MON2: variants seen among roughly 807,000 people sequenced by gnomAD.
MON2 encodes the protein MON2 regulator of endosome-to-Golgi trafficking.
MON2 carries 84 observed loss-of-function variants against 208.6 expected under a neutral mutation model. The observed-to-expected ratio is 0.40, with a 90% CI of 0.34 to 0.48. The LOEUF (loss-of-function observed/expected upper bound fraction) is 0.48. Among genes scored for constraint, MON2 ranks in the 20% least tolerant of loss-of-function variants. MON2 has a pLI of 0.59. For missense variants in MON2, 1,611 were observed against 2,015.4 expected (o/e 0.80, Z 3.84); for synonymous variants, 660 against 694.0 (o/e 0.95, Z 0.77).
In MON2 at chr12:62,484,250, A is replaced by C. The variant is rs2069624224; in HGVS notation, c.175+17A>C. 7.2e-6 allele frequency: 11 copies of C among 1,533,878 alleles called. No homozygotes were observed. The highest frequency in any genetic ancestry group is 9.8e-6 in the Non-Finnish European group (11 of 1,124,102). On this transcript the variant is annotated intron_variant, in intron 2 of 34. Transcript: ENST00000393630. ...TTTTGGCAGGTAATTTTTTGTATTA[A>C]AAATTTAATAATAAACAAAAATTTG...
intron 19 of MON2, among the ~76,000 whole-genome samples, chr12:62,541,793 G>A (rs1207519973): frequency 2.0e-5 from 3 of 152,174 alleles, no homozygotes; most frequent in African/African-American, 7.2e-5. Context: ...ATCTTCAGGT[G>A]TGAGCTTTGG....
rs563691888 is a variant in MON2, at chr12:62,572,978, T to TA, written c.4514+1404dup. On this transcript the variant is annotated intron_variant, in intron 30 of 34. Coordinates refer to ENST00000393630, the MANE Select transcript of MON2 (RefSeq NM_015026.3). ...ATTCTAATATGGTTTAGTTATTCAG[T>TA]AAAAAAAATTTCTAGGGTGCAGAAG... Among the ~76,000 whole-genome samples the TA allele has an allele frequency of 2.3e-4, 35 of 152,184 alleles. No individual in the cohort carries two copies. In the South Asian group the frequency reaches 6.0e-3, roughly 26 times the overall value.
At chr12:62,590,502 A>C (rs961784317) in intron 34 of MON2, among the ~76,000 whole-genome samples, 6 of 152,212 alleles carry the variant, frequency 3.9e-5, no homozygotes, top group Non-Finnish European at 8.8e-5. Context: ...TACAGGGGAA[A>C]GTTTTAATAT....
chr12:62,584,243 T>C (rs1219139163), intron 32 of MON2, among the ~76,000 whole-genome samples: 3 of 152,214 alleles, frequency 2.0e-5, no homozygotes, highest in African/African-American at 7.2e-5. Flanking sequence ...TTTACATTTC[T>C]AACAAGTTCT....
At chr12:62,545,369 A>T (rs2073436209) in intron 21 of MON2, among the ~76,000 whole-genome samples, 1 of 151,948 alleles carries the variant, frequency 6.6e-6, no homozygotes, top group African/African-American at 2.4e-5. Context: ...CATGGGGAGA[A>T]AATAAGTGGC....
intron 2 of MON2, among the ~76,000 whole-genome samples, chr12:62,487,369 T>G (rs763030826): frequency 6.6e-6 from 1 of 152,142 alleles, no homozygotes; most frequent in Non-Finnish European, 1.5e-5. Flanking sequence ...TTTGCATAAA[T>G]TTTTGTAACA....
chr12:62,536,352 G>A (rs989037380), intron 14 of MON2, among the ~76,000 whole-genome samples: 8 of 152,044 alleles, frequency 5.3e-5, no homozygotes, highest in African/African-American at 1.9e-4. Context: ...ATAAATTTCA[G>A]TGTAATATTT....
chr12:62,560,842 G>A lies in MON2; in HGVS notation c.3761G>A (p.Ser1254Asn). Residue 1254 changes from serine to asparagine, a missense_variant, in exon 26 of 35, where the codon AGT becomes AAT. Ser to Asn is a conservative substitution (Grantham distance 46). Coordinates refer to ENST00000393630, the MANE Select transcript of MON2 (RefSeq NM_015026.3). ...WNTWYRIGSE[S>N]TKPPITFDKL... ...ACCTGGTATAGAATTGGATCTGAAA[G>A]TACTAAGCCTCCTATTACTTTTGAT... 6.2e-7 allele frequency: 1 copy of A among 1,614,090 alleles called. No individual in the cohort carries two copies. The highest frequency in any genetic ancestry group is 8.5e-7 in the Non-Finnish European group (1 of 1,179,978).
chr12:62,478,544 C>G (rs1237994894), intron 1 of MON2, among the ~76,000 whole-genome samples: 1 of 152,120 alleles, frequency 6.6e-6, no homozygotes, highest in South Asian at 2.1e-4. Flanking sequence ...CATTATTTGT[C>G]ACATTAAATT....
chr12:62,524,646 C>A lies in MON2; in HGVS notation c.1109+7C>A. On this transcript the variant is annotated splice_region_variant and intron_variant, in intron 9 of 34. Transcript: ENST00000393630. Reference sequence around the variant, plus strand: ...TGCAGCCTCAACTATTAAGGTAAAACCTCAGCAATAGTTTGTTAAATAGAT... The same window carrying A: ...TGCAGCCTCAACTATTAAGGTAAAAACTCAGCAATAGTTTGTTAAATAGAT... 3 of 1,611,106 alleles carry A rather than the reference C, an allele frequency of 1.9e-6. No individual in the cohort carries two copies. The highest frequency in any genetic ancestry group is 1.3e-5 in the African/African-American group (1 of 74,926).
At chr12:62,469,854 CTT>C in intron 1 of MON2, among the ~76,000 whole-genome samples, 1 of 151,162 alleles carries the variant, frequency 6.6e-6, no homozygotes, top group African/African-American at 2.4e-5. Flanking sequence ...TCATTTCTGT[CTT>C]TTATGGCCAT....
At chr12:62,504,251 T>C (rs1019714513) in intron 7 of MON2, among the ~76,000 whole-genome samples, 5 of 148,752 alleles carry the variant, frequency 3.4e-5, no homozygotes, top group East Asian at 1.9e-4. Flanking sequence ...TTTTCTTTTT[T>C]TTTTTTTTTT....
rs761125884 is a variant in MON2, at chr12:62,538,479, A to G, written c.2338A>G (p.Met780Val). 6 of 1,607,054 alleles carry G rather than the reference A, an allele frequency of 3.7e-6. No individual in the cohort carries two copies. In the South Asian group the frequency reaches 6.6e-5, roughly 18 times the overall value. The change falls in exon 19 of 35, where the codon ATG becomes GTG. Residue 780 changes from methionine to valine, a missense_variant. Physicochemically the swap from Met to Val is conservative, Grantham distance 21 (BLOSUM62 1). Coordinates refer to ENST00000393630, the MANE Select transcript of MON2 (RefSeq NM_015026.3). ...ACTTTGCTCCTTGTCTCTAGAAGCA[A>G]TGGATATGGCCTATGGAAATAATAA... ...NALCSLSLEA[M>V]DMAYGNNKEP...
chr12:62,557,762 G>A (rs770248932), intron 25 of MON2, among the ~76,000 whole-genome samples: 21 of 150,940 alleles, frequency 1.4e-4, no homozygotes, highest in Non-Finnish European at 2.4e-4. Flanking sequence ...CATTTAGCAT[G>A]TTAGGGCTTG....
At chr12:62,508,811 G>A in intron 8 of MON2, 1 of 220,094 alleles carries the variant, frequency 4.5e-6, no homozygotes, top group South Asian at 9.0e-5. Flanking sequence ...AGTTTATTCT[G>A]CTTTCATTTA....
intron 2 of MON2, among the ~76,000 whole-genome samples, chr12:62,490,418 T>G (rs1202111322): frequency 2.0e-5 from 3 of 152,134 alleles, no homozygotes; most frequent in African/African-American, 7.2e-5. Flanking sequence ...ACAGCCTTTT[T>G]GTCAGTGTGA....
intron 7 of MON2, among the ~76,000 whole-genome samples, chr12:62,502,186 C>T (rs949284395): frequency 6.6e-6 from 1 of 152,042 alleles, no homozygotes; most frequent in Non-Finnish European, 1.5e-5. Flanking sequence ...CCTCACTTCA[C>T]TCCAGCCTAG....
At position 62,562,688 on chromosome 12, in the gene MON2, A is replaced by C. The variant is rs1169206476; in HGVS notation, c.4032+1575A>C. Among the ~76,000 whole-genome samples the C allele has an allele frequency of 3.3e-5, 5 of 152,108 alleles. No homozygotes were observed. In the South Asian group the frequency reaches 1.0e-3, roughly 32 times the overall value. On this transcript the variant is annotated intron_variant, in intron 26 of 34. Transcript: ENST00000393630. The stretch of plus-strand genomic sequence containing the variant: ...CCAAATTTACTTGCTTTTGGACTTT[A>C]TCCTTAAACTAATAGTTATCGAGCA...
chr12:62,510,260 A>G (rs2071325233), intron 8 of MON2, among the ~76,000 whole-genome samples: 1 of 152,176 alleles, frequency 6.6e-6, no homozygotes, highest in Non-Finnish European at 1.5e-5. Flanking sequence ...CAAAGAATTG[A>G]AGAGGAGAGA....
Sources: allele counts gnomAD v4.1 joint callset (sites outside exome capture counted in the v4.1 genomes callset), GRCh38; gene constraint gnomAD v4.1.1; transcripts MANE v1.5; gene names NCBI Gene and HGNC (gene_info 2026-07-23, HGNC 2026-07-21).